The following FGF12 variants were observed in gnomAD, a reference collection of about 807,000 sequenced individuals.
The protein encoded by FGF12 is fibroblast growth factor 12B.
Under a neutral mutation model 23.6 loss-of-function variants are expected in FGF12, and 14 were observed. The observed-to-expected ratio is 0.59, with a 90% CI of 0.39 to 0.93. The LOEUF (loss-of-function observed/expected upper bound fraction) is 0.93. Among genes scored for constraint, FGF12 ranks in the 40% least tolerant of loss-of-function variants. FGF12 has a pLI of 0.00. For synonymous variants in FGF12, 62 were observed against 77.3 expected, an observed-to-expected ratio of 0.80 and a Z score of 1.04; for missense variants, 175 against 217.8, an observed-to-expected ratio of 0.80 and a Z score of 1.24.
chr3:192,715,845 G>A (rs1217535001), intron 2 of FGF12, among the ~76,000 whole-genome samples: 2 of 152,166 alleles, frequency 1.3e-5, no homozygotes, highest in African/African-American at 2.4e-5. Context: ...CAATGTGCAT[G>A]GCACAGATAA....
chr3:192,425,563 AAATC>A (rs1158301885), intron 2 of FGF12, among the ~76,000 whole-genome samples: 2 of 152,246 alleles, frequency 1.3e-5, no homozygotes, highest in African/African-American at 4.8e-5. Flanking sequence ...TAATAAAATT[AAATC>A]AATCAAACAA....
At chr3:192,377,215 T>C (rs1331495632) in intron 2 of FGF12, among the ~76,000 whole-genome samples, 1 of 152,202 alleles carries the variant, frequency 6.6e-6, no homozygotes, top group African/African-American at 2.4e-5. Context: ...GCACTGTCTC[T>C]GTACAGGCCC....
chr3:192,280,032 C>A (rs569968894), intron 4 of FGF12, among the ~76,000 whole-genome samples: 5 of 152,036 alleles, frequency 3.3e-5, no homozygotes, highest in Non-Finnish European at 5.9e-5. Context: ...ACATAACATG[C>A]AATCAAAAAT....
At position 192,140,259 on chromosome 3, in the gene FGF12, T is replaced by C. The variant is rs1195251086; in HGVS notation, c.*3750A>G. On this transcript the variant is annotated 3_prime_UTR_variant, in exon 6 of 6. Transcript: ENST00000445105. ...CCACTGTTTTAAATGTAATTTTGAC[T>C]TAAAAAATGCTATTTACAATTTTAT... is the stretch of plus-strand genomic sequence containing the variant. 1.3e-5 allele frequency: 2 copies of C among 152,054 alleles called. No homozygotes were observed. Among genetic ancestry groups the C allele is most frequent in the Non-Finnish European group, 2.9e-5 (2 of 67,922 alleles). 9.4% of individuals were successfully genotyped at this position (152,054 alleles called of 1,614,324 possible).
At chr3:192,357,833 T>G (rs1718545328) in intron 3 of FGF12, among the ~76,000 whole-genome samples, 1 of 152,196 alleles carries the variant, frequency 6.6e-6, no homozygotes, top group Non-Finnish European at 1.5e-5. Context: ...AGGTGAGAAG[T>G]GTAATTTTTA....
intron 2 of FGF12, among the ~76,000 whole-genome samples, chr3:192,631,597 T>C (rs1199212602): frequency 3.3e-5 from 5 of 152,214 alleles, no homozygotes; most frequent in Non-Finnish European, 7.3e-5. Context: ...GCCTTGTCTA[T>C]TTAAAGTGGA....
At chr3:192,155,247 G>A (rs1053773756) in intron 5 of FGF12, among the ~76,000 whole-genome samples, 1 of 152,148 alleles carries the variant, frequency 6.6e-6, no homozygotes, top group Non-Finnish European at 1.5e-5. Context: ...CGGTACCTCA[G>A]ATGGAAATGC....
intron 2 of FGF12, among the ~76,000 whole-genome samples, chr3:192,520,801 A>C (rs564469558): frequency 2.6e-5 from 4 of 152,216 alleles, no homozygotes; most frequent in Non-Finnish European, 5.9e-5. Flanking sequence ...CACTGCCTAT[A>C]GGTAACTGGT....
intron 2 of FGF12, among the ~76,000 whole-genome samples, chr3:192,624,640 T>C (rs1159023119): frequency 6.6e-6 from 1 of 152,170 alleles, no homozygotes; most frequent in Non-Finnish European, 1.5e-5. Context: ...TTATATAGCA[T>C]CTTCCTTGTT....
intron 2 of FGF12, among the ~76,000 whole-genome samples, chr3:192,638,204 C>T (rs911329325): frequency 1.3e-5 from 2 of 152,152 alleles, no homozygotes; most frequent in Non-Finnish European, 2.9e-5. Flanking sequence ...AACTATAATG[C>T]TGACCAACAT....
intron 2 of FGF12, among the ~76,000 whole-genome samples, chr3:192,500,173 G>A (rs1308257445): frequency 1.3e-5 from 2 of 152,158 alleles, no homozygotes; most frequent in African/African-American, 4.8e-5. Context: ...GGAAAGTAGA[G>A]CTGACACAGA....
intron 4 of FGF12, among the ~76,000 whole-genome samples, chr3:192,301,545 T>A (rs1715349287): frequency 6.6e-6 from 1 of 151,910 alleles, no homozygotes; most frequent in South Asian, 2.1e-4. Context: ...GTTAAGTGAG[T>A]AAGAACCCAA....
intron 3 of FGF12, among the ~76,000 whole-genome samples, chr3:192,340,449 A>G (rs1018429858): frequency 1.4e-4 from 21 of 152,196 alleles, no homozygotes; most frequent in African/African-American, 5.1e-4. Context: ...TTCTGTGTAT[A>G]TTAGCAATCC....
At chr3:192,158,543 C>T (rs1714651303) in intron 5 of FGF12, among the ~76,000 whole-genome samples, 2 of 128,266 alleles carry the variant, frequency 1.6e-5, no homozygotes, top group Admixed American at 1.6e-4. Context: ...TTCCTCCCGC[C>T]CTCCCTCTCT....
At chr3:192,155,629 A>G (rs567255760) in intron 5 of FGF12, among the ~76,000 whole-genome samples, 2 of 152,384 alleles carry the variant, frequency 1.3e-5, no homozygotes, top group African/African-American at 4.8e-5. Context: ...GAGAATTACT[A>G]ATACCACATA....
chr3:192,615,406 C>A (rs892154097), intron 2 of FGF12, among the ~76,000 whole-genome samples: 4 of 151,834 alleles, frequency 2.6e-5, no homozygotes, highest in Admixed American at 6.6e-5. Context: ...GATCTTGAAT[C>A]ATCTACTAAC....
intron 2 of FGF12, among the ~76,000 whole-genome samples, chr3:192,624,518 T>A (rs1032304778): frequency 6.6e-6 from 1 of 152,082 alleles, no homozygotes; most frequent in Non-Finnish European, 1.5e-5. Context: ...CATTTATATT[T>A]TTTCTCATGT....
intron 2 of FGF12, among the ~76,000 whole-genome samples, chr3:192,636,536 A>C (rs146836814): frequency 6.6e-6 from 1 of 152,248 alleles, no homozygotes; most frequent in Non-Finnish European, 1.5e-5. Flanking sequence ...GTCATGCTAC[A>C]TCTTTACTTC....
chr3:192,375,152 C>G (rs7638550), intron 2 of FGF12, among the ~76,000 whole-genome samples: 4,076 of 152,226 alleles, frequency 0.027, 199 homozygotes, highest in African/African-American at 0.093. Context: ...GTATTAACAC[C>G]AAATATTTGG....
Sources: gnomAD v4.1 joint callset for allele counts (sites outside exome capture counted in the v4.1 genomes callset) on GRCh38, gnomAD v4.1.1 for gene constraint, MANE v1.5 for transcripts, NCBI Gene and HGNC (gene_info 2026-07-23, HGNC 2026-07-21) for gene names.